The following FSD1 variants were observed in gnomAD, a reference collection of about 807,000 sequenced individuals.
FSD1 encodes the protein fibronectin type III and SPRY domain containing 1.
Under a neutral mutation model 58.2 loss-of-function variants are expected in FSD1, and 23 were observed. The ratio of observed to expected loss-of-function variants is 0.40; its 90% CI spans 0.28 to 0.56. FSD1 has a LOEUF of 0.56. Ranked by LOEUF, FSD1 falls within the 20% of genes least tolerant of loss-of-function variation. FSD1 has a pLI of 0.54. For missense variants in FSD1, 563 were observed against 670.8 expected, an observed-to-expected ratio of 0.84 and a Z score of 1.78; for synonymous variants, 265 against 263.4, an observed-to-expected ratio of 1.01 and a Z score of -0.06.
rs1431853698 is a variant in FSD1, at chr19:4,315,593, C to A, written c.701-1589C>A. On this transcript the variant is annotated intron_variant, in intron 7 of 12. Coordinates refer to ENST00000221856, the MANE Select transcript of FSD1 (RefSeq NM_024333.3). ...AAAGTGCTGGGATTACAGGCGTGAG[C>A]CACCGTGCCTGGCCTTTTTTTTTTT... Among the ~76,000 whole-genome samples, 66 of 150,148 alleles carry A rather than the reference C, an allele frequency of 4.4e-4. 1 individual carries two copies.
chr19:4,315,939 A>G (rs531170885), intron 7 of FSD1, among the ~76,000 whole-genome samples: 1 of 149,584 alleles, frequency 6.7e-6, no homozygotes, highest in Admixed American at 6.7e-5. Flanking sequence ...AGTTTTTTGT[A>G]TTTTTTAGTA....
chr19:4,310,674 G>A, intron 6 of FSD1, 78 bp downstream of exon 6: 1 of 1,496,650 alleles, frequency 6.7e-7, no homozygotes, highest in African/African-American at 1.4e-5. Flanking sequence ...AACAGGACCT[G>A]GAGTATGGTG....
At chr19:4,322,222 A>G (rs930649886) in intron 10 of FSD1, among the ~76,000 whole-genome samples, 18 of 139,978 alleles carry the variant, frequency 1.3e-4, no homozygotes, top group African/African-American at 4.9e-4. Flanking sequence ...TGGGAGAATT[A>G]GCTGGGGCCC....
chr19:4,306,411 A>G lies in FSD1; in HGVS notation c.243+82A>G, dbSNP rs559473621. 15 of 1,453,950 alleles carry G rather than the reference A, an allele frequency of 1.0e-5. No homozygotes were observed. In the East Asian group the frequency reaches 3.2e-4, roughly 31 times the overall value. The allele number at this position is 1,453,950 out of a possible 1,614,324, so 90.1% of individuals were successfully genotyped here. On this transcript the variant is annotated intron_variant, in intron 3 of 12. Transcript: ENST00000221856. ...CTGACCTCGGCACCTTCCTCCAAAA[A>G]CTGGGTGCTCTCGAGTTTCTGATCT...
intron 8 of FSD1, among the ~76,000 whole-genome samples, chr19:4,318,080 G>T (rs1971774000): frequency 6.6e-6 from 1 of 151,710 alleles, no homozygotes; most frequent in African/African-American, 2.4e-5. Flanking sequence ...ACAACCCTTG[G>T]CCTTCGCGCT....
intron 7 of FSD1, among the ~76,000 whole-genome samples, chr19:4,315,339 C>T (rs1291959760): frequency 4.1e-4 from 52 of 127,888 alleles, no homozygotes; most frequent in Non-Finnish European, 5.9e-4. Flanking sequence ...GACAGAGTCT[C>T]ACTCTGTTGC....
In FSD1 at chr19:4,323,282, G is replaced by T; in HGVS notation, c.1291+45G>T. The T allele has an allele frequency of 6.2e-7, 1 of 1,607,878 alleles. No individual in the cohort carries two copies. ...GCCGTCTCTGGCTGCCCCTGCCTGA[G>T]TCCCCTCCGTCTGCCCCCATCCCAC... On this transcript the variant is annotated intron_variant, in intron 11 of 12. Coordinates refer to ENST00000221856, the MANE Select transcript of FSD1 (RefSeq NM_024333.3). The surrounding 1 kb of genome is among the most constrained non-coding windows in gnomAD (Gnocchi z 7.7).
At position 4,323,033 on chromosome 19, in the gene FSD1, G is replaced by C. The variant is rs148882494; in HGVS notation, c.1087G>C (p.Glu363Gln). 4 of 1,611,888 alleles carry C rather than the reference G, an allele frequency of 2.5e-6. No individual in the cohort carries two copies. The African/African-American group carries it at 5.3e-5, about 22-fold the overall frequency. ...GGAGCATTACTGGGAGGTGCGCTAC[G>C]AGCCGGACAGCAAGGCGTTCGGCGT... is the stretch of plus-strand genomic sequence containing the variant. ...GGEHYWEVRY[E>Q]PDSKAFGVGV... The change falls in exon 11 of 13, where the codon GAG (glutamate) becomes CAG (glutamine). Residue 363 changes from glutamate to glutamine, a missense_variant. Transcript: ENST00000221856. This position sits in a 1 kb window ranked among gnomAD's most constrained non-coding sequence, Gnocchi z 7.7.
rs1599533403 is a variant in FSD1 at position 4,307,958 on chromosome 19, C to G, written c.320C>G (p.Ala107Gly). The change falls in exon 4 of 13, where the codon GCC (alanine) becomes GGC (glycine). Residue 107 changes from alanine (A) to glycine (G), a missense_variant. By Grantham distance (60) the Ala-to-Gly change is moderately conservative. Coordinates refer to ENST00000221856, the MANE Select transcript of FSD1 (RefSeq NM_024333.3). ...GAGACAGCCAACCAGACTCTGCAGGCCATGGACAGCGAGGACTTTCCTCAG... is the reference window on the plus strand; with the variant it reads ...GAGACAGCCAACCAGACTCTGCAGGGCATGGACAGCGAGGACTTTCCTCAG... ...LLETANQTLQAMDSEDFPQAA... is the reference protein window; with the variant it reads ...LLETANQTLQGMDSEDFPQAA... The G allele has an allele frequency of 6.2e-7, 1 of 1,613,852 alleles. No homozygotes were observed. Among genetic ancestry groups the G allele is most frequent in the Middle Eastern group, 1.6e-4 (1 of 6,062 alleles).
At chr19:4,318,822 G>A in intron 9 of FSD1, 50 bp from the exon 10 acceptor site, 2 of 1,433,842 alleles carry the variant, frequency 1.4e-6, no homozygotes, top group Non-Finnish European at 2.0e-6. Context: ...GTGGGAGAGA[G>A]AAGTGTTGAA....
intron 7 of FSD1, among the ~76,000 whole-genome samples, chr19:4,314,100 G>A (rs983470615): frequency 2.0e-5 from 3 of 152,060 alleles, no homozygotes; most frequent in Non-Finnish European, 4.4e-5. Context: ...GCTGGCTGAC[G>A]GGTTTAACTA....
intron 8 of FSD1, 123 bp downstream of exon 8, chr19:4,317,403 C>G: frequency 1.5e-6 from 1 of 651,934 alleles, no homozygotes. Flanking sequence ...AAAGCTCCGT[C>G]CACAGTTGGC....
intron 9 of FSD1, among the ~76,000 whole-genome samples, 180 bp from the exon 10 acceptor site, chr19:4,318,692 C>T (rs919014433): frequency 5.3e-5 from 8 of 152,108 alleles, no homozygotes; most frequent in Non-Finnish European, 8.8e-5. Context: ...TCCCAGATGA[C>T]GGAGGGCACA....
At position 4,311,944 on chromosome 19, in the gene FSD1, A is replaced by G. The variant is rs199532115; in HGVS notation, c.593A>G (p.Tyr198Cys). ...MPDEDSKIDH[Y>C]VLEYRRTNFE... ...GATGAGGACAGCAAGATTGACCACT[A>G]CGTGCTGGAGTACCGGCGGACCAAC... Residue 198 changes from tyrosine (Y) to cysteine (C), a missense_variant, in exon 7 of 13, where the codon TAC becomes TGC. Coordinates refer to ENST00000221856, the MANE Select transcript of FSD1 (RefSeq NM_024333.3). The G allele has an allele frequency of 2.5e-5, 40 of 1,613,804 alleles. No individual in the cohort carries two copies. Among genetic ancestry groups the G allele is most frequent in the Non-Finnish European group, 3.3e-5 (39 of 1,180,014 alleles).
intron 7 of FSD1, among the ~76,000 whole-genome samples, chr19:4,316,602 A>G (rs1252739473): frequency 1.3e-5 from 2 of 151,506 alleles, no homozygotes; most frequent in Non-Finnish European, 2.9e-5. Context: ...GCAGTCGTGC[A>G]GTACAAATCT....
intron 10 of FSD1, among the ~76,000 whole-genome samples, chr19:4,321,545 T>TATCTG (rs992671583): frequency 2.1e-5 from 3 of 144,456 alleles, no homozygotes; most frequent in African/African-American, 7.9e-5. Context: ...GACTGAGAAG[T>TATCTG]ATCTGGGGGA....
In FSD1 at chr19:4,307,921, G is replaced by A. The variant is rs1455546642; in HGVS notation, c.283G>A (p.Glu95Lys). Residue 95 changes from glutamate to lysine, a missense_variant, in exon 4 of 13, where the codon GAG (glutamate) becomes AAG (lysine). Physicochemically the swap from Glu to Lys is moderately conservative, Grantham distance 56 (BLOSUM62 1). Coordinates refer to ENST00000221856, the MANE Select transcript of FSD1 (RefSeq NM_024333.3). ...CTGCACGCGGGCCCTGGAGAGCTCC[G>A]AGGAGCTTCTGGAGACAGCCAACCA... ...AACTRALESS[E>K]ELLETANQTL... The A allele has an allele frequency of 4.3e-6, 7 of 1,613,782 alleles. No individual in the cohort carries two copies. The highest frequency in any genetic ancestry group is 1.1e-5 in the South Asian group (1 of 91,058).
At chr19:4,308,016 A>G in intron 4 of FSD1, 33 bp downstream of exon 4, 1 of 1,515,706 alleles carries the variant, frequency 6.6e-7, no homozygotes, top group Non-Finnish European at 9.1e-7. Context: ...GGTAAAGAAC[A>G]GTGTGCCCAG....
intron 7 of FSD1, among the ~76,000 whole-genome samples, chr19:4,314,438 C>CATGTATAA (rs1971730366): frequency 5.3e-5 from 8 of 150,958 alleles, no homozygotes; most frequent in Admixed American, 2.6e-4. Context: ...CCCATGTAGT[C>CATGTATAA]AGCATAAAAC....
Sources: allele counts gnomAD v4.1 joint callset (sites outside exome capture counted in the v4.1 genomes callset), GRCh38; gene constraint gnomAD v4.1.1; non-coding constraint Gnocchi (gnomAD v3.1); transcripts MANE v1.5; gene names NCBI Gene and HGNC (gene_info 2026-07-23, HGNC 2026-07-21).